Variants in ARHGAP22 observed in about 807,000 individuals in gnomAD.
The protein encoded by ARHGAP22 is rho GTPase-activating protein 22.
A neutral mutation model predicts 59.1 loss-of-function variants in ARHGAP22; 48 were observed. The ratio of observed to expected loss-of-function variants is 0.81; its 90% confidence interval spans 0.64 to 1.03. ARHGAP22 has a LOEUF of 1.03. ARHGAP22 is among the 50% of genes least tolerant of loss of function. The pLI, the probability that ARHGAP22 is intolerant of heterozygous loss-of-function variation, is 0.00. For synonymous variants in ARHGAP22, 445 were observed against 416.4 expected, an observed-to-expected ratio of 1.07 and a Z score of -0.84; for missense variants, 1,015 against 958.7, an observed-to-expected ratio of 1.06 and a Z score of -0.78.
chr10:48,514,064 A>AT (rs2053058337), intron 3 of ARHGAP22, among the ~76,000 whole-genome samples: 1 of 152,248 alleles, frequency 6.6e-6, no homozygotes, highest in African/African-American at 2.4e-5. Flanking sequence ...TAGAAGAAAA[A>AT]AAATCAGTAA....
At chr10:48,454,032 G>A in intron 7 of ARHGAP22, 56 bp downstream of exon 7, 6 of 1,539,862 alleles carry the variant, frequency 3.9e-6, no homozygotes, top group Non-Finnish European at 5.4e-6. Context: ...CTGTGGGGTT[G>A]GGGGAGCGTG....
intron 4 of ARHGAP22, 53 bp from the exon 5 acceptor site, chr10:48,459,944 G>A: frequency 3.2e-6 from 5 of 1,565,054 alleles, no homozygotes; most frequent in Non-Finnish European, 4.3e-6. Flanking sequence ...TCAGTGTTGG[G>A]TGCTCAGGAC....
At chr10:48,547,786 A>G (rs1449750064) in intron 3 of ARHGAP22, among the ~76,000 whole-genome samples, 1 of 152,140 alleles carries the variant, frequency 6.6e-6, no homozygotes, top group Non-Finnish European at 1.5e-5. Context: ...GCTCGGTGCA[A>G]TGTTGTTGAA....
chr10:48,563,568 G>A (rs563940034), intron 2 of ARHGAP22, among the ~76,000 whole-genome samples: 79 of 152,262 alleles, frequency 5.2e-4, no homozygotes, highest in African/African-American at 1.7e-3. Context: ...GCTTGCCATC[G>A]TAACATAACA....
chr10:48,455,008 C>G lies in ARHGAP22; in HGVS notation c.786G>C (p.Glu262Asp). 1 of 1,600,428 alleles carries G rather than the reference C, an allele frequency of 6.2e-7. No individual in the cohort carries two copies. The highest frequency in any genetic ancestry group is 8.5e-7 in the Non-Finnish European group (1 of 1,170,880). Residue 262 changes from glutamate to aspartate, a missense_variant, in exon 6 of 10, where the codon GAG (glutamate) becomes GAC (aspartate). Coordinates refer to ENST00000249601, the MANE Select transcript of ARHGAP22 (RefSeq NM_021226.4). ...ATCCCCAGGAGCCACTGACCTCCCC[C>G]TCGTCCTTGGTGAGCAGCTGGGCGC... ...LSCAQLLTKD[E>D]GEGTLELAKQ...
rs34206353 is a variant in ARHGAP22, at chr10:48,643,764, AAT to A, written c.52+8468_52+8469del. ...CTTAAAGTATAATTAAAAAAAAAAA[AAT>A]ATATATATATATATATGCCACACAA... On this transcript the variant is annotated intron_variant, in intron 1 of 9. Transcript: ENST00000435790. Among the ~76,000 whole-genome samples, 1,328 of 144,236 alleles carry A rather than the reference AAT, an allele frequency of 9.2e-3. 13 individuals carry two copies. Among genetic ancestry groups the A allele is most frequent in the African/African-American group, 0.018 (678 of 38,640 alleles). 94.6% of individuals were successfully genotyped at this position (144,236 alleles called of 152,430 possible).
intron 3 of ARHGAP22, among the ~76,000 whole-genome samples, chr10:48,502,956 T>A (rs1404212912): frequency 2.0e-5 from 3 of 152,110 alleles, no homozygotes; most frequent in Non-Finnish European, 4.4e-5. Flanking sequence ...GGGTCAGGGA[T>A]AAAGGCATAA....
intron 3 of ARHGAP22, among the ~76,000 whole-genome samples, chr10:48,506,021 C>T (rs567528041): frequency 1.3e-5 from 2 of 152,318 alleles, no homozygotes; most frequent in African/African-American, 4.8e-5. Context: ...GATTTGGCCA[C>T]CACGTATCTC....
intron 3 of ARHGAP22, among the ~76,000 whole-genome samples, chr10:48,489,978 C>T (rs908555530): frequency 6.6e-6 from 1 of 152,122 alleles, no homozygotes; most frequent in Non-Finnish European, 1.5e-5. Context: ...CGTGATCCAC[C>T]CGCCTAGGCC....
At chr10:48,556,378 C>T (rs1213461023) in intron 2 of ARHGAP22, among the ~76,000 whole-genome samples, 1 of 152,184 alleles carries the variant, frequency 6.6e-6, no homozygotes, top group Non-Finnish European at 1.5e-5. Flanking sequence ...TGACCCTTCC[C>T]CAACCCCCAG....
At chr10:48,485,072 G>C (rs548729869) in intron 3 of ARHGAP22, among the ~76,000 whole-genome samples, 10 of 152,312 alleles carry the variant, frequency 6.6e-5, no homozygotes, top group African/African-American at 2.4e-4. Context: ...TTAACGAAGG[G>C]TCATGACTGT....
chr10:48,482,159 C>A (rs1265695353), intron 3 of ARHGAP22, among the ~76,000 whole-genome samples: 2 of 152,162 alleles, frequency 1.3e-5, no homozygotes, highest in Non-Finnish European at 2.9e-5. Flanking sequence ...GTGCTTCCTG[C>A]ATTGTATCTA....
chr10:48,483,581 GT>G (rs2049553200), intron 3 of ARHGAP22, among the ~76,000 whole-genome samples: 1 of 151,510 alleles, frequency 6.6e-6, no homozygotes, highest in Admixed American at 6.6e-5. Flanking sequence ...TTTTTTTTGT[GT>G]TTTTTATAAT....
At chr10:48,567,492 G>A (rs759697539) in intron 2 of ARHGAP22, among the ~76,000 whole-genome samples, 60 of 152,208 alleles carry the variant, frequency 3.9e-4, no homozygotes, top group Admixed American at 7.2e-4. Flanking sequence ...ACCCAGGGGA[G>A]CTCTTGAATC....
intron 1 of ARHGAP22, among the ~76,000 whole-genome samples, chr10:48,632,062 C>T (rs2061646891): frequency 6.6e-6 from 1 of 152,148 alleles, no homozygotes; most frequent in Admixed American, 6.5e-5. Flanking sequence ...TTTCAGTGCA[C>T]CTGTCACTCG....
At chr10:48,604,623 A>G (rs758360988) in intron 1 of ARHGAP22, 140 bp downstream of exon 1, 25 of 1,363,136 alleles carry the variant, frequency 1.8e-5, no homozygotes, top group Non-Finnish European at 2.5e-5. Flanking sequence ...CTTCCTCAGG[A>G]GGATGCTCAC....
chr10:48,554,371 T>TCATTTCTCA (rs2057139095), intron 3 of ARHGAP22, among the ~76,000 whole-genome samples: 1 of 152,002 alleles, frequency 6.6e-6, no homozygotes, highest in Non-Finnish European at 1.5e-5. Context: ...GTGGCTGGGG[T>TCATTTCTCA]GGCTTTACTG....
chr10:48,590,494 A>G (rs1188976399), intron 1 of ARHGAP22, among the ~76,000 whole-genome samples: 2 of 152,146 alleles, frequency 1.3e-5, no homozygotes, highest in Non-Finnish European at 2.9e-5. Flanking sequence ...CCACCAGCTG[A>G]GGCCCTACCT....
chr10:48,541,402 G>A (rs1011025544), intron 3 of ARHGAP22, among the ~76,000 whole-genome samples: 16 of 152,160 alleles, frequency 1.1e-4, no homozygotes, highest in African/African-American at 3.1e-4. Flanking sequence ...TGCCCGGTGC[G>A]CTATCACCAT....
Sources: gnomAD v4.1 joint callset for allele counts (sites outside exome capture counted in the v4.1 genomes callset) on GRCh38, gnomAD v4.1.1 for gene constraint, MANE v1.5 for transcripts, NCBI Gene and HGNC (gene_info 2026-07-23, HGNC 2026-07-21) for gene names.